Variants in EPS15L1 observed in about 807,000 individuals in gnomAD.
The protein encoded by EPS15L1 is epidermal growth factor receptor pathway substrate 15 like 1.
A neutral mutation model predicts 117.1 loss-of-function variants in EPS15L1; 43 were observed. That is an observed-to-expected ratio of 0.37 (90% CI 0.29 to 0.47). EPS15L1 has a LOEUF of 0.47. EPS15L1 is among the 20% of genes least tolerant of loss of function. The probability of loss-of-function intolerance (pLI) is 0.99; values close to 1 mark genes in which losing one functional copy is unlikely to be tolerated. For missense variants in EPS15L1, 981 were observed against 1,164.0 expected (o/e 0.84, Z 2.29); for synonymous variants, 459 against 470.5 (o/e 0.98, Z 0.32).
chr19:16,374,803 A>C (rs1453718318), intron 22 of EPS15L1, among the ~76,000 whole-genome samples: 4 of 152,228 alleles, frequency 2.6e-5, no homozygotes, highest in Admixed American at 2.0e-4. Context: ...CATGTGTGTA[A>C]ATGTGTGTAC....
At position 16,371,694 on chromosome 19, in the gene EPS15L1, G is replaced by A. The variant is rs1194362757; in HGVS notation, c.2380+5428C>T. Among the ~76,000 whole-genome samples the A allele has an allele frequency of 3.9e-5, 6 of 152,300 alleles. No individual in the cohort carries two copies. Among genetic ancestry groups the A allele is most frequent in the East Asian group, 1.9e-4 (1 of 5,186 alleles). ...GGAAGTGGCAAGGGTGGGGCCGGTC[G>A]CAGGATCCCACTATCGCAGCAGGGC... On this transcript the variant is annotated intron_variant, in intron 22 of 23. Transcript: ENST00000455140. The surrounding 1 kb of genome is among the most constrained non-coding windows in gnomAD (Gnocchi z 4.7).
intron 19 of EPS15L1, 61 bp downstream of exon 19, chr19:16,392,243 G>A (rs2092484066): frequency 6.9e-6 from 11 of 1,598,588 alleles, no homozygotes; most frequent in Middle Eastern, 1.8e-4. Context: ...TTCGGGAAGC[G>A]CCACCCTTAC....
chr19:16,448,603 G>C (rs1366200411), intron 1 of EPS15L1, among the ~76,000 whole-genome samples: 1 of 151,308 alleles, frequency 6.6e-6, no homozygotes, highest in African/African-American at 2.4e-5. Context: ...CAGCACATTG[G>C]GAGGCCAAGG....
At chr19:16,360,534 G>A (rs1461836847) in intron 23 of EPS15L1, among the ~76,000 whole-genome samples, 1 of 151,340 alleles carries the variant, frequency 6.6e-6, no homozygotes, top group Non-Finnish European at 1.5e-5. Context: ...TTGAGGCCAG[G>A]AGTTCCAGAC....
At chr19:16,390,189 G>T (rs1394928958) in intron 19 of EPS15L1, among the ~76,000 whole-genome samples, 1 of 152,064 alleles carries the variant, frequency 6.6e-6, no homozygotes, top group Non-Finnish European at 1.5e-5. Flanking sequence ...GAAAAATGAT[G>T]TATCATGTAG....
chr19:16,414,474 C>T (rs1277876142), intron 12 of EPS15L1, among the ~76,000 whole-genome samples: 1 of 151,842 alleles, frequency 6.6e-6, no homozygotes, highest in African/African-American at 2.4e-5. Flanking sequence ...AATCTCAGCT[C>T]ACTGCATCCT....
chr19:16,417,519 T>C (rs777681365), intron 12 of EPS15L1, 33 bp downstream of exon 12: 2 of 1,561,034 alleles, frequency 1.3e-6, no homozygotes, highest in Non-Finnish European at 8.8e-7. Context: ...GTGTAACATC[T>C]GGATGTGGAG....
At chr19:16,408,643 G>A (rs1274242664) in intron 13 of EPS15L1, among the ~76,000 whole-genome samples, 1 of 150,506 alleles carries the variant, frequency 6.6e-6, no homozygotes, top group African/African-American at 2.4e-5. Context: ...CTGAGTGACA[G>A]TGAGACTCCG....
chr19:16,464,891 T>C (rs1464365000), intron 1 of EPS15L1, among the ~76,000 whole-genome samples: 1 of 151,250 alleles, frequency 6.6e-6, no homozygotes, highest in Non-Finnish European at 1.5e-5. Flanking sequence ...CCATCCTGCC[T>C]AACCAGTGAA....
intron 22 of EPS15L1, among the ~76,000 whole-genome samples, chr19:16,376,176 T>C (rs1017557512): frequency 6.6e-6 from 1 of 152,182 alleles, no homozygotes; most frequent in East Asian, 1.9e-4. Flanking sequence ...GTGGGTCTCC[T>C]GTGGCTGCCC....
At chr19:16,373,221 G>A (rs1223401825) in intron 22 of EPS15L1, among the ~76,000 whole-genome samples, 4 of 152,040 alleles carry the variant, frequency 2.6e-5, no homozygotes, top group Admixed American at 6.5e-5. Context: ...AGGCTCGACC[G>A]CCAGGCTCAC....
At chr19:16,380,336 T>C (rs1221349635) in intron 21 of EPS15L1, among the ~76,000 whole-genome samples, 2 of 151,260 alleles carry the variant, frequency 1.3e-5, no homozygotes, top group African/African-American at 4.9e-5. Flanking sequence ...ACAGACGTGG[T>C]CATTTAAGGC....
At chr19:16,450,599 G>A (rs2093131618) in intron 1 of EPS15L1, among the ~76,000 whole-genome samples, 1 of 149,578 alleles carries the variant, frequency 6.7e-6, no homozygotes, top group Non-Finnish European at 1.5e-5. Flanking sequence ...TCCTGCCTCA[G>A]CCTCCCAAGT....
intron 7 of EPS15L1, 28 bp downstream of exon 7, chr19:16,434,337 A>C: frequency 6.2e-7 from 1 of 1,610,370 alleles, no homozygotes; most frequent in Non-Finnish European, 8.5e-7. Flanking sequence ...CACTGAGTGC[A>C]GAAGAACCAA....
chr19:16,357,139 G>A (rs565857213), intron 23 of EPS15L1: 38 of 152,700 alleles, frequency 2.5e-4, no homozygotes, highest in African/African-American at 8.9e-4. Context: ...AAGCACACAG[G>A]AACACTCACG....
chr19:16,419,823 C>T (rs997664532), intron 10 of EPS15L1, among the ~76,000 whole-genome samples: 9 of 152,254 alleles, frequency 5.9e-5, no homozygotes, highest in East Asian at 1.9e-4. Context: ...TCTGCCCCTG[C>T]GGGCCCCAGC....
rs550816470 is a variant in EPS15L1, at chr19:16,371,607, C to G, written c.2380+5515G>C. On this transcript the variant is annotated intron_variant, in intron 22 of 23. Coordinates refer to ENST00000455140, the MANE Select transcript of EPS15L1 (RefSeq NM_001258374.3). The surrounding 1 kb of genome is among the most constrained non-coding windows in gnomAD (Gnocchi z 4.7). ...GGTGACTGGCTGGTTAGCGGTAGAA[C>G]TGCGCTGGCTGGTGTCACCGGGCGC... Among the ~76,000 whole-genome samples, 55 of 152,278 alleles carry G rather than the reference C, an allele frequency of 3.6e-4. No homozygotes were observed. In the South Asian group the frequency reaches 3.9e-3, roughly 11 times the overall value.
intron 6 of EPS15L1, 57 bp from the exon 7 acceptor site, chr19:16,434,547 G>C: frequency 6.4e-7 from 1 of 1,566,522 alleles, no homozygotes. Context: ...TGAATGTCCA[G>C]ACCGAGCTCT....
In EPS15L1 at chr19:16,403,984, G is replaced by A; in HGVS notation, c.1429-54C>T. The A allele has an allele frequency of 7.3e-6, 11 of 1,502,100 alleles. No homozygotes were observed. In the South Asian group the frequency reaches 1.3e-4, roughly 17 times the overall value. The allele number at this position is 1,502,100 out of a possible 1,614,324, so 93.0% of individuals were successfully genotyped here. The stretch of plus-strand genomic sequence containing the variant: ...GAGATTCACAGTGCAGGATGAAATG[G>A]GACTCCGAGAAAGAACTCTTAGCCC... On this transcript the variant is annotated intron_variant, in intron 14 of 23. Transcript: ENST00000455140.
Sources: allele counts gnomAD v4.1 joint callset (sites outside exome capture counted in the v4.1 genomes callset), GRCh38; gene constraint gnomAD v4.1.1; non-coding constraint Gnocchi (gnomAD v3.1); transcripts MANE v1.5; gene names NCBI Gene and HGNC (gene_info 2026-07-23, HGNC 2026-07-21).